FGF14: variants seen among roughly 807,000 people sequenced by gnomAD.
FGF14 encodes the protein fibroblast growth factor homologous factor 4.
In FGF14, 5 loss-of-function variants were observed where a neutral mutation model predicts 25.5. The observed-to-expected ratio is 0.20, with a 90% CI of 0.10 to 0.41. FGF14 has a LOEUF of 0.41. FGF14 is among the 10% of genes least tolerant of loss of function. The probability of loss-of-function intolerance (pLI) is 1.00; values close to 1 mark genes in which losing one functional copy is unlikely to be tolerated. For missense variants in FGF14, 222 were observed against 320.1 expected, an observed-to-expected ratio of 0.69 and a Z score of 2.34; for synonymous variants, 138 against 118.3, an observed-to-expected ratio of 1.17 and a Z score of -1.08.
chr13:102,346,124 G>T (rs139176126), intron 1 of FGF14, among the ~76,000 whole-genome samples: 1 of 152,020 alleles, frequency 6.6e-6, no homozygotes, highest in African/African-American at 2.4e-5. Context: ...AAATCCTGAA[G>T]TATTTTGGTT....
chr13:102,401,785 T>C, upstream of FGF14: 1 of 944,314 alleles, frequency 1.1e-6, no homozygotes, highest in Non-Finnish European at 1.7e-6. Flanking sequence ...GGTGAATGAT[T>C]TATCCCCCCT....
At chr13:101,756,535 T>G (rs762481401) in intron 3 of FGF14, among the ~76,000 whole-genome samples, 1 of 151,936 alleles carries the variant, frequency 6.6e-6, no homozygotes, top group African/African-American at 2.4e-5. Context: ...GAGATTGAGA[T>G]CATCCTGGCC....
intron 3 of FGF14, among the ~76,000 whole-genome samples, chr13:101,783,933 G>A (rs2039662352): frequency 6.6e-6 from 1 of 152,164 alleles, no homozygotes; most frequent in African/African-American, 2.4e-5. Context: ...ACTGACTAGG[G>A]AATGAATCCT....
intron 3 of FGF14, among the ~76,000 whole-genome samples, chr13:101,821,521 T>C (rs2042155922): frequency 6.6e-6 from 1 of 152,210 alleles, no homozygotes; most frequent in Non-Finnish European, 1.5e-5. Context: ...ACATGAACTT[T>C]TAGTAGAAAC....
chr13:102,067,914 GA>G (rs2042971606), intron 1 of FGF14, among the ~76,000 whole-genome samples: 3 of 151,956 alleles, frequency 2.0e-5, no homozygotes, highest in Admixed American at 2.0e-4. Context: ...TGCAGCAAAA[GA>G]AAAAAATAAA....
chr13:102,223,006 A>G (rs1185914298), intron 1 of FGF14, among the ~76,000 whole-genome samples: 2 of 152,212 alleles, frequency 1.3e-5, no homozygotes, highest in Non-Finnish European at 1.5e-5. Context: ...GTCTTTCATC[A>G]TCTATCGGGA....
At chr13:102,006,724 C>CTTTTTTT (rs1566562317) in intron 1 of FGF14, among the ~76,000 whole-genome samples, 1 of 97,946 alleles carries the variant, frequency 1.0e-5, no homozygotes, top group African/African-American at 4.1e-5. Flanking sequence ...CAAAATCTTA[C>CTTTTTTT]TTCTTTTTTT....
chr13:102,266,941 T>C (rs954380496), intron 1 of FGF14, among the ~76,000 whole-genome samples: 5 of 152,018 alleles, frequency 3.3e-5, no homozygotes, highest in African/African-American at 7.2e-5. Flanking sequence ...ATGGTCAAAA[T>C]TGATATTCTT....
chr13:102,067,146 CAT>C (rs1270332957), intron 1 of FGF14, among the ~76,000 whole-genome samples: 1 of 152,122 alleles, frequency 6.6e-6, no homozygotes, highest in Non-Finnish European at 1.5e-5. Context: ...AAACAAGCAA[CAT>C]ATATGTGATA....
chr13:102,098,731 GGA>G (rs2044521107), intron 1 of FGF14, among the ~76,000 whole-genome samples: 1 of 152,120 alleles, frequency 6.6e-6, no homozygotes, highest in African/African-American at 2.4e-5. Flanking sequence ...CCTTCATTTT[GGA>G]GAGGACCTAT....
intron 1 of FGF14, among the ~76,000 whole-genome samples, chr13:102,200,684 T>C: frequency 6.6e-6 from 1 of 151,988 alleles, no homozygotes; most frequent in African/African-American, 2.4e-5. Context: ...ACTTCATTTT[T>C]ACTAATGACA....
chr13:102,285,630 T>C (rs1365476621), intron 1 of FGF14, among the ~76,000 whole-genome samples: 1 of 152,248 alleles, frequency 6.6e-6, no homozygotes. Context: ...CCTGTGTTTA[T>C]TCAGCAAATG....
intron 3 of FGF14, among the ~76,000 whole-genome samples, chr13:101,768,672 C>CTAT (rs1220615958): frequency 6.6e-6 from 1 of 152,106 alleles, no homozygotes; most frequent in East Asian, 1.9e-4. Context: ...CACATAAATA[C>CTAT]AGTCAACTGA....
chr13:102,033,180 A>T (rs929328118), intron 1 of FGF14, among the ~76,000 whole-genome samples: 3 of 152,154 alleles, frequency 2.0e-5, no homozygotes, highest in African/African-American at 7.2e-5. Flanking sequence ...TTTCCAGTAC[A>T]TCTCAAGCAT....
chr13:102,010,523 C>T (rs1181058971), intron 1 of FGF14, among the ~76,000 whole-genome samples: 1 of 151,924 alleles, frequency 6.6e-6, no homozygotes, highest in East Asian at 1.9e-4. Flanking sequence ...TTTATAAAGA[C>T]AATGTTATAA....
intron 1 of FGF14, among the ~76,000 whole-genome samples, chr13:102,340,814 T>C (rs1171128455): frequency 6.6e-6 from 1 of 152,162 alleles, no homozygotes; most frequent in Non-Finnish European, 1.5e-5. Flanking sequence ...GAGTTTGTAA[T>C]AAAATGGCAA....
chr13:101,891,850 TCA>T (rs988539883), intron 1 of FGF14, among the ~76,000 whole-genome samples: 2 of 152,132 alleles, frequency 1.3e-5, no homozygotes, highest in Non-Finnish European at 2.9e-5. Flanking sequence ...TAGTAAATAA[TCA>T]CACAGTTTTA....
At chr13:102,319,384 A>G (rs1190268552) in intron 1 of FGF14, among the ~76,000 whole-genome samples, 3 of 152,208 alleles carry the variant, frequency 2.0e-5, no homozygotes, top group African/African-American at 7.2e-5. Context: ...GACGCCATCA[A>G]CAACCTCTGA....
chr13:101,824,433 T>C (rs1485151748), intron 3 of FGF14, among the ~76,000 whole-genome samples: 1 of 152,228 alleles, frequency 6.6e-6, no homozygotes, highest in Non-Finnish European at 1.5e-5. Flanking sequence ...GACTCTGCAT[T>C]GATTACTTCT....
Sources: gnomAD v4.1 joint callset for allele counts (sites outside exome capture counted in the v4.1 genomes callset) on GRCh38, gnomAD v4.1.1 for gene constraint, MANE v1.5 for transcripts, NCBI Gene and HGNC (gene_info 2026-07-23, HGNC 2026-07-21) for gene names.